SEMA3E: variants seen among roughly 807,000 people sequenced by gnomAD.
SEMA3E encodes the protein semaphorin-3E.
SEMA3E carries 49 observed loss-of-function variants against 93.6 expected under a neutral mutation model. That is an observed-to-expected ratio of 0.52 (90% CI 0.42 to 0.66). The LOEUF (loss-of-function observed/expected upper bound fraction) is 0.66. Among genes scored for constraint, SEMA3E ranks in the 30% least tolerant of loss-of-function variants. The pLI is 0.00. For missense variants in SEMA3E, 906 were observed against 964.8 expected (o/e 0.94, Z 0.81); for synonymous variants, 363 against 330.7 (o/e 1.10, Z -1.06).
chr7:83,592,920 G>A (rs1271009757), intron 1 of SEMA3E, among the ~76,000 whole-genome samples: 1 of 151,998 alleles, frequency 6.6e-6, no homozygotes, highest in Non-Finnish European at 1.5e-5. Flanking sequence ...TGCTAAGGTA[G>A]TTTGTGGCCC....
chr7:83,496,526 T>G, intron 1 of SEMA3E, among the ~76,000 whole-genome samples: 1 of 152,208 alleles, frequency 6.6e-6, no homozygotes, highest in South Asian at 2.1e-4. Flanking sequence ...TGCTTTGACT[T>G]ATTGATTCAT....
At chr7:83,471,918 G>A (rs1406740265) in intron 2 of SEMA3E, among the ~76,000 whole-genome samples, 1 of 152,132 alleles carries the variant, frequency 6.6e-6, no homozygotes, top group Non-Finnish European at 1.5e-5. Context: ...AAGTCAAACA[G>A]TATTTGCTAT....
intron 13 of SEMA3E, 36 bp downstream of exon 13, chr7:83,394,259 AAC>A (rs1246390174): frequency 4.0e-6 from 6 of 1,485,330 alleles, no homozygotes; most frequent in Non-Finnish European, 3.6e-6. Flanking sequence ...TCACATATAG[AAC>A]ACACACACCT....
chr7:83,571,906 C>A (rs1476670001), intron 1 of SEMA3E, among the ~76,000 whole-genome samples: 1 of 152,078 alleles, frequency 6.6e-6, no homozygotes, highest in Non-Finnish European at 1.5e-5. Flanking sequence ...GTATAAACAT[C>A]AGTAGCATTT....
intron 1 of SEMA3E, among the ~76,000 whole-genome samples, chr7:83,530,974 A>T (rs539058198): frequency 6.6e-6 from 1 of 152,172 alleles, no homozygotes; most frequent in South Asian, 2.1e-4. Flanking sequence ...AATTTATTTT[A>T]TACATCACAC....
At chr7:83,393,338 A>T (rs761214132) in intron 13 of SEMA3E, among the ~76,000 whole-genome samples, 1 of 152,102 alleles carries the variant, frequency 6.6e-6, no homozygotes, top group Non-Finnish European at 1.5e-5. Context: ...GTTTGAGACC[A>T]GCCTGGGCAA....
chr7:83,469,148 T>C (rs2115890140), intron 3 of SEMA3E, 95 bp downstream of exon 3: 4 of 1,008,490 alleles, frequency 4.0e-6, no homozygotes, highest in Non-Finnish European at 6.2e-6. Flanking sequence ...TACATACTTT[T>C]ATAAGAGCAA....
At chr7:83,387,850 G>A (rs1484265313) in intron 14 of SEMA3E, among the ~76,000 whole-genome samples, 15 of 142,124 alleles carry the variant, frequency 1.1e-4, no homozygotes, top group East Asian at 6.0e-4. Flanking sequence ...TTATATATAT[G>A]TTTATATATA....
chr7:83,374,985 C>A (rs1228697759), intron 16 of SEMA3E, among the ~76,000 whole-genome samples: 2 of 151,810 alleles, frequency 1.3e-5, no homozygotes, highest in African/African-American at 4.8e-5. Flanking sequence ...AAAACAAAAA[C>A]TCCTGTTGTT....
intron 4 of SEMA3E, among the ~76,000 whole-genome samples, chr7:83,439,395 A>T (rs1250676930): frequency 6.6e-6 from 1 of 152,236 alleles, no homozygotes; most frequent in Non-Finnish European, 1.5e-5. Context: ...TCTTGGAGTT[A>T]AAAGTCTCAA....
intron 1 of SEMA3E, among the ~76,000 whole-genome samples, chr7:83,546,044 A>G (rs1791644176): frequency 6.8e-6 from 1 of 147,104 alleles, no homozygotes; most frequent in Admixed American, 6.9e-5. Context: ...TTTATATATA[A>G]TTATATATGT....
Position 83,633,039 on chromosome 7 carries a change from T to A in SEMA3E, c.115+15389A>T, listed in dbSNP as rs11979781. Among the ~76,000 whole-genome samples the A allele has an allele frequency of 6.3e-3, 952 of 152,304 alleles. 9 individuals carry two copies. Among genetic ancestry groups the A allele is most frequent in the African/African-American group, 0.022 (916 of 41,554 alleles). On this transcript the variant is annotated intron_variant, in intron 1 of 16. Coordinates refer to ENST00000643230, the MANE Select transcript of SEMA3E (RefSeq NM_012431.3). The stretch of plus-strand genomic sequence containing the variant: ...ATTTTCCTAAACTATAGTCTTTTTT[T>A]AATGAACGATTTTGTTGTTGTTGTT...
chr7:83,368,358 T>C (rs1405099983), intron 16 of SEMA3E, among the ~76,000 whole-genome samples: 1 of 152,056 alleles, frequency 6.6e-6, no homozygotes, highest in Non-Finnish European at 1.5e-5. Flanking sequence ...TTAGAAAAAA[T>C]ACATTTCAAT....
chr7:83,441,240 G>A (rs776712973), intron 4 of SEMA3E, among the ~76,000 whole-genome samples: 1 of 152,204 alleles, frequency 6.6e-6, no homozygotes, highest in Non-Finnish European at 1.5e-5. Context: ...CAAAAATTAG[G>A]TGTTAAGCAT....
intron 2 of SEMA3E, among the ~76,000 whole-genome samples, chr7:83,487,948 A>G (rs1193441256): frequency 6.6e-6 from 1 of 151,650 alleles, no homozygotes; most frequent in Non-Finnish European, 1.5e-5. Context: ...TGCCAAAGAA[A>G]TATCAGCAAC....
intron 1 of SEMA3E, among the ~76,000 whole-genome samples, chr7:83,558,429 A>C (rs1791963844): frequency 6.6e-6 from 1 of 152,158 alleles, no homozygotes; most frequent in African/African-American, 2.4e-5. Flanking sequence ...GTTTCAAAAG[A>C]CAAATACAGG....
intron 4 of SEMA3E, among the ~76,000 whole-genome samples, chr7:83,463,135 G>A (rs190320331): frequency 8.8e-5 from 13 of 146,988 alleles, no homozygotes; most frequent in South Asian, 4.6e-4. Context: ...CCCTGCAATC[G>A]TGTCCGACTG....
chr7:83,536,986 A>G (rs1791421660), intron 1 of SEMA3E, among the ~76,000 whole-genome samples: 1 of 151,956 alleles, frequency 6.6e-6, no homozygotes, highest in South Asian at 2.1e-4. Flanking sequence ...ATCCAATAGG[A>G]TTGGCAACCT....
chr7:83,592,037 A>G (rs916244485), intron 1 of SEMA3E, among the ~76,000 whole-genome samples: 7 of 152,232 alleles, frequency 4.6e-5, no homozygotes, highest in African/African-American at 1.7e-4. Context: ...GAGAATAGCA[A>G]TATTCAGAAG....
Sources: allele counts gnomAD v4.1 joint callset (sites outside exome capture counted in the v4.1 genomes callset), GRCh38; gene constraint gnomAD v4.1.1; transcripts MANE v1.5; gene names NCBI Gene and HGNC (gene_info 2026-07-23, HGNC 2026-07-21).